The following ALK variants were observed in gnomAD, a reference collection of about 807,000 sequenced individuals.
ALK encodes ALK receptor tyrosine kinase.
ALK carries 74 observed loss-of-function variants against 163.1 expected under a neutral mutation model. That is an observed-to-expected ratio of 0.45 (90% confidence interval 0.38 to 0.55). The LOEUF is 0.55. ALK is among the 20% of genes least tolerant of loss of function. The pLI, the probability that ALK is intolerant of heterozygous loss-of-function variation, is 0.00. For missense variants in ALK, 2,063 were observed against 2,105.3 expected, an observed-to-expected ratio of 0.98 and a Z score of 0.39; for synonymous variants, 960 against 843.2, an observed-to-expected ratio of 1.14 and a Z score of -2.40.
chr2:29,282,725 T>G (rs1253459331), intron 9 of ALK, among the ~76,000 whole-genome samples: 1 of 152,192 alleles, frequency 6.6e-6, no homozygotes, highest in Non-Finnish European at 1.5e-5. Flanking sequence ...GAGGAAGCCC[T>G]TCTAGAAATA....
At chr2:29,225,624 CCCAAGTCAGAAATAA>C (rs1663957139) in intron 18 of ALK, 59 bp from the exon 19 acceptor site, 1 of 1,436,182 alleles carries the variant, frequency 7.0e-7, no homozygotes, top group Non-Finnish European at 9.7e-7. Flanking sequence ...TTGAGTTGGT[CCCAAGTCAGAAATAA>C]CCTCCCCCAC....
intron 23 of ALK, 64 bp downstream of exon 23, chr2:29,220,642 G>C (rs1304101136): frequency 5.0e-6 from 8 of 1,609,280 alleles, no homozygotes; most frequent in Non-Finnish European, 6.8e-6. Flanking sequence ...GCCCACTCTT[G>C]CTCCTTCCAT....
At chr2:29,225,335 C>G in intron 19 of ALK, 126 bp downstream of exon 19, 1 of 912,894 alleles carries the variant, frequency 1.1e-6, no homozygotes, top group Admixed American at 2.0e-5. Context: ...GCCCTAATCA[C>G]CACCCCACCC....
intron 1 of ALK, among the ~76,000 whole-genome samples, chr2:29,844,581 TA>T (rs1665790260): frequency 6.6e-6 from 1 of 152,206 alleles, no homozygotes; most frequent in Admixed American, 6.5e-5. Context: ...TAGCTGTTAT[TA>T]GATTCCCAAA....
intron 23 of ALK, 38 bp from the exon 24 acceptor site, chr2:29,214,119 T>G (rs769431043): frequency 3.9e-6 from 6 of 1,554,088 alleles, no homozygotes; most frequent in Non-Finnish European, 3.6e-6. Context: ...ACGAGGAGCT[T>G]GTCAGTGAGA....
intron 4 of ALK, among the ~76,000 whole-genome samples, chr2:29,452,335 T>G (rs1670841684): frequency 7.8e-6 from 1 of 128,266 alleles, no homozygotes; most frequent in East Asian, 2.5e-4. Flanking sequence ...TTTTTTTGTT[T>G]TTTTTTTTTT....
At chr2:29,370,504 G>A (rs1668613549) in intron 5 of ALK, among the ~76,000 whole-genome samples, 1 of 152,202 alleles carries the variant, frequency 6.6e-6, no homozygotes, top group Admixed American at 6.5e-5. Context: ...CTTGTCCAGA[G>A]CCAATGTTTC....
At chr2:29,523,186 G>A (rs115743114) in intron 4 of ALK, among the ~76,000 whole-genome samples, 23 of 152,224 alleles carry the variant, frequency 1.5e-4, no homozygotes, top group Non-Finnish European at 2.6e-4. Context: ...GTCCTCAGGC[G>A]GTCCTTTGCA....
chr2:29,792,154 T>C (rs1664205017), intron 1 of ALK, among the ~76,000 whole-genome samples: 1 of 152,170 alleles, frequency 6.6e-6, no homozygotes, highest in Non-Finnish European at 1.5e-5. Flanking sequence ...GGAAAACAAA[T>C]GGAGGGATGG....
At chr2:29,884,897 A>G (rs1393395380) in intron 1 of ALK, among the ~76,000 whole-genome samples, 1 of 152,210 alleles carries the variant, frequency 6.6e-6, no homozygotes, top group Non-Finnish European at 1.5e-5. Flanking sequence ...AGAAATGGCC[A>G]CAAAGCACAT....
intron 9 of ALK, 115 bp from the exon 10 acceptor site, chr2:29,275,611 G>T: frequency 9.5e-7 from 1 of 1,055,382 alleles, no homozygotes; most frequent in Non-Finnish European, 1.5e-6. Context: ...TTTGAAAAAG[G>T]CTCGCTAATC....
At chr2:29,275,568 G>C in intron 9 of ALK, 72 bp from the exon 10 acceptor site, 1 of 1,491,840 alleles carries the variant, frequency 6.7e-7, no homozygotes, top group Non-Finnish European at 9.3e-7. Context: ...GCATCCAGCA[G>C]GTGTGTGCTG....
chr2:29,618,863 C>T (rs188166384), intron 3 of ALK, among the ~76,000 whole-genome samples: 3 of 152,212 alleles, frequency 2.0e-5, no homozygotes, highest in African/African-American at 7.2e-5. Flanking sequence ...CCTGTAATCC[C>T]AGCTACTTGG....
At chr2:29,605,843 T>C (rs1374043347) in intron 3 of ALK, among the ~76,000 whole-genome samples, 1 of 152,186 alleles carries the variant, frequency 6.6e-6, no homozygotes, top group Non-Finnish European at 1.5e-5. Flanking sequence ...AGCCTCTACC[T>C]GAAGGCTCAC....
intron 3 of ALK, among the ~76,000 whole-genome samples, chr2:29,614,028 C>T (rs1259288582): frequency 6.6e-6 from 1 of 152,146 alleles, no homozygotes; most frequent in Non-Finnish European, 1.5e-5. Flanking sequence ...GTCCAGACAG[C>T]CTTGTGTGAC....
intron 4 of ALK, among the ~76,000 whole-genome samples, chr2:29,484,527 T>A (rs796925501): frequency 6.6e-6 from 1 of 152,172 alleles, no homozygotes; most frequent in Admixed American, 6.5e-5. Flanking sequence ...TGTTTTTTTC[T>A]AGTGTTTCAG....
chr2:29,895,179 G>A (rs1204285798), intron 1 of ALK, among the ~76,000 whole-genome samples: 1 of 152,180 alleles, frequency 6.6e-6, no homozygotes, highest in Non-Finnish European at 1.5e-5. Flanking sequence ...AGGGCCGCTG[G>A]TTGATCCTAA....
At chr2:29,778,811 C>A (rs191719255) in intron 1 of ALK, among the ~76,000 whole-genome samples, 1 of 152,076 alleles carries the variant, frequency 6.6e-6, no homozygotes, top group Non-Finnish European at 1.5e-5. Flanking sequence ...GCCTGCTGAA[C>A]CCCCCGTGCG....
intron 3 of ALK, among the ~76,000 whole-genome samples, chr2:29,666,719 A>AG (rs1677523473): frequency 6.6e-6 from 1 of 152,150 alleles, no homozygotes; most frequent in South Asian, 2.1e-4. Context: ...TTTAAAAAAA[A>AG]TTAAGGTAAA....
Sources: gnomAD v4.1 joint callset for allele counts (sites outside exome capture counted in the v4.1 genomes callset) on GRCh38, gnomAD v4.1.1 for gene constraint, MANE v1.5 for transcripts, NCBI Gene and HGNC (gene_info 2026-07-23, HGNC 2026-07-21) for gene names.